SH3BGR: variants seen among roughly 807,000 people sequenced by gnomAD.
SH3BGR encodes SH3 domain binding glutamate rich protein.
Under a neutral mutation model 24.5 loss-of-function variants are expected in SH3BGR, and 29 were observed. That is an observed-to-expected ratio of 1.18 (90% CI 0.88 to 1.61). The LOEUF (loss-of-function observed/expected upper bound fraction) is 1.61, where lower values mean the gene tolerates loss of function less well. SH3BGR is among the 40% of genes most tolerant of loss of function. The probability of loss-of-function intolerance (pLI) is 0.00; values close to 1 mark genes in which losing one functional copy is unlikely to be tolerated. For synonymous variants in SH3BGR, 55 were observed against 65.7 expected (o/e 0.84, Z 0.79); for missense variants, 162 against 205.8 (o/e 0.79, Z 1.30).
intron 1 of SH3BGR, among the ~76,000 whole-genome samples, chr21:39,461,763 G>C (rs979757091): frequency 6.6e-6 from 1 of 152,142 alleles, no homozygotes; most frequent in South Asian, 2.1e-4. Flanking sequence ...CTAGGTTGCA[G>C]TTCATTACCT....
At chr21:39,457,546 T>C (rs1316935424) in intron 1 of SH3BGR, among the ~76,000 whole-genome samples, 1 of 147,370 alleles carries the variant, frequency 6.8e-6, no homozygotes, top group African/African-American at 2.5e-5. Context: ...ATATATAAGA[T>C]TATTATATAT....
chr21:39,483,475 G>A (rs1006667132), intron 3 of SH3BGR, among the ~76,000 whole-genome samples: 4 of 152,082 alleles, frequency 2.6e-5, no homozygotes, highest in Non-Finnish European at 4.4e-5. Context: ...TTGTAGTCCT[G>A]GTATTTCTTT....
chr21:39,486,768 G>A (rs1282670839), intron 3 of SH3BGR, among the ~76,000 whole-genome samples: 4 of 152,166 alleles, frequency 2.6e-5, no homozygotes, highest in Non-Finnish European at 4.4e-5. Context: ...CCAGGCTGGA[G>A]TGCAGTAGCA....
Position 39,515,073 on chromosome 21 carries a change from T to G in SH3BGR, c.*35-15T>G, listed in dbSNP as rs1169487598. ...TTCTCTACAGTCTTTCCCTAATATTTGCCTTTTCTTTTAGAAAATGGAAGC... is the reference window on the plus strand; with the variant it reads ...TTCTCTACAGTCTTTCCCTAATATTGGCCTTTTCTTTTAGAAAATGGAAGC... On this transcript the variant is annotated splice_polypyrimidine_tract_variant and intron_variant, in intron 6 of 6. Coordinates refer to ENST00000333634, the MANE Select transcript of SH3BGR (RefSeq NM_007341.3). 1 of 469,390 alleles carries G rather than the reference T, an allele frequency of 2.1e-6. No homozygotes were observed. Among genetic ancestry groups the G allele is most frequent in the Non-Finnish European group, 4.4e-6 (1 of 226,264 alleles). The allele number at this position is 469,390 out of a possible 1,614,324, so 29.1% of individuals were successfully genotyped here. A position where few individuals can be genotyped will look rare whatever the true frequency, so the allele number is the denominator to read the frequency against.
At chr21:39,512,603 A>G (rs184276940) in intron 6 of SH3BGR, among the ~76,000 whole-genome samples, 11 of 152,304 alleles carry the variant, frequency 7.2e-5, no homozygotes, top group Admixed American at 5.9e-4. Context: ...CCATACAGAT[A>G]GGACAGCATG....
At chr21:39,476,078 CAG>C (rs2123391750) in intron 3 of SH3BGR, among the ~76,000 whole-genome samples, 2 of 152,226 alleles carry the variant, frequency 1.3e-5, no homozygotes, top group South Asian at 4.2e-4. Context: ...GTGGATGAAA[CAG>C]AGTAATGAGA....
intron 3 of SH3BGR, chr21:39,488,380 TTGAC>T (rs2078244300): frequency 2.6e-5 from 6 of 227,086 alleles, no homozygotes; most frequent in Non-Finnish European, 3.7e-5. Flanking sequence ...TTCCAGCTGT[TTGAC>T]TGAATGGGTG....
chr21:39,457,028 G>C (rs1376740648), intron 1 of SH3BGR, among the ~76,000 whole-genome samples: 1 of 148,102 alleles, frequency 6.8e-6, no homozygotes, highest in Non-Finnish European at 1.5e-5. Flanking sequence ...AATATATATT[G>C]ACTGTCAATT....
At chr21:39,493,241 A>G (rs1402889555) in intron 3 of SH3BGR, among the ~76,000 whole-genome samples, 1 of 152,196 alleles carries the variant, frequency 6.6e-6, no homozygotes, top group Non-Finnish European at 1.5e-5. Context: ...TAGAATTTTT[A>G]TAGTTTCAGG....
At position 39,498,720 on chromosome 21, in the gene SH3BGR, G is replaced by A. The variant is rs573512923; in HGVS notation, c.313-1103G>A. Among the ~76,000 whole-genome samples the A allele has an allele frequency of 1.5e-4, 23 of 152,158 alleles. No individual in the cohort carries two copies. In the East Asian group the frequency reaches 2.3e-3, roughly 15 times the overall value. The stretch of plus-strand genomic sequence containing the variant: ...GTCTCGAGCCATCGTCCCCATGCCC[G>A]TTTCCTCAAAATGTCTACTTGGTCC... On this transcript the variant is annotated intron_variant, in intron 3 of 6. Transcript: ENST00000333634.
intron 3 of SH3BGR, among the ~76,000 whole-genome samples, chr21:39,479,315 G>A (rs2078088890): frequency 6.7e-6 from 1 of 149,326 alleles, no homozygotes; most frequent in Non-Finnish European, 1.5e-5. Context: ...TGGTGGTGAT[G>A]GTGGTGGTGG....
chr21:39,452,187 A>G, intron 1 of SH3BGR, 46 bp downstream of exon 1: 3 of 1,611,556 alleles, frequency 1.9e-6, no homozygotes, highest in East Asian at 4.5e-5. Context: ...TTTCTGAATA[A>G]CTTAGGGTTG....
chr21:39,457,064 T>C (rs976077807), intron 1 of SH3BGR, among the ~76,000 whole-genome samples: 1 of 148,472 alleles, frequency 6.7e-6, no homozygotes, highest in Non-Finnish European at 1.5e-5. Flanking sequence ...ACATAGTAAA[T>C]ATAAAATTTA....
intron 2 of SH3BGR, among the ~76,000 whole-genome samples, chr21:39,468,228 A>G (rs1362329165): frequency 1.3e-5 from 2 of 152,234 alleles, no homozygotes; most frequent in East Asian, 3.8e-4. Flanking sequence ...GCTTCTCAAC[A>G]TATCGATGTT....
chr21:39,504,161 T>C (rs2078543390), intron 4 of SH3BGR, among the ~76,000 whole-genome samples: 1 of 152,210 alleles, frequency 6.6e-6, no homozygotes, highest in East Asian at 1.9e-4. Context: ...CTGAAAGTCA[T>C]GAGGCCCTTG....
intron 3 of SH3BGR, among the ~76,000 whole-genome samples, chr21:39,493,637 T>G (rs2078342534): frequency 6.6e-6 from 1 of 152,204 alleles, no homozygotes; most frequent in African/African-American, 2.4e-5. Context: ...GATTGTTTTT[T>G]CTAGTTCTGT....
At chr21:39,466,116 A>G (rs371308677) in intron 2 of SH3BGR, among the ~76,000 whole-genome samples, 7 of 152,308 alleles carry the variant, frequency 4.6e-5, no homozygotes, top group African/African-American at 1.7e-4. Flanking sequence ...TACGCGTCTC[A>G]CATTTTGATC....
At chr21:39,453,711 C>T (rs952589843) in intron 1 of SH3BGR, among the ~76,000 whole-genome samples, 1 of 152,174 alleles carries the variant, frequency 6.6e-6, no homozygotes, top group East Asian at 1.9e-4. Context: ...CCACTTGTAA[C>T]TGTATGACCT....
At chr21:39,477,554 T>G (rs1239994125) in intron 3 of SH3BGR, among the ~76,000 whole-genome samples, 1 of 152,210 alleles carries the variant, frequency 6.6e-6, no homozygotes, top group African/African-American at 2.4e-5. Flanking sequence ...GAGTATTTCC[T>G]TAGGATAAAT....
Sources: allele counts gnomAD v4.1 joint callset (sites outside exome capture counted in the v4.1 genomes callset), GRCh38; gene constraint gnomAD v4.1.1; transcripts MANE v1.5; gene names NCBI Gene and HGNC (gene_info 2026-07-23, HGNC 2026-07-21).